CNTN6: variants seen among roughly 807,000 people sequenced by gnomAD.
CNTN6 encodes contactin-6.
CNTN6 carries 137 observed loss-of-function variants against 122.8 expected under a neutral mutation model. The ratio of observed to expected loss-of-function variants is 1.12; its 90% CI spans 0.97 to 1.29. The LOEUF (loss-of-function observed/expected upper bound fraction) is 1.29. Among genes scored for constraint, CNTN6 ranks in the 50% most tolerant of loss-of-function variants. CNTN6 has a pLI of 0.00. For synonymous variants in CNTN6, 570 were observed against 426.0 expected (o/e 1.34, Z -4.16); for missense variants, 1,634 against 1,223.4 (o/e 1.34, Z -5.01).
chr3:1,391,643 T>A (rs1378132284), intron 20 of CNTN6, among the ~76,000 whole-genome samples: 1 of 151,486 alleles, frequency 6.6e-6, no homozygotes, highest in East Asian at 1.9e-4. Flanking sequence ...GATGATTGTA[T>A]ATCTAGAAAA....
At chr3:1,305,726 C>T (rs1199478929) in intron 7 of CNTN6, among the ~76,000 whole-genome samples, 1 of 152,038 alleles carries the variant, frequency 6.6e-6, no homozygotes, top group Non-Finnish European at 1.5e-5. Context: ...ATGTAAATAA[C>T]ATTAGTAGCA....
chr3:1,338,132 C>T (rs1703342359), intron 11 of CNTN6, among the ~76,000 whole-genome samples: 1 of 152,104 alleles, frequency 6.6e-6, no homozygotes, highest in Admixed American at 6.6e-5. Context: ...CAGGTAAAGC[C>T]ACCCTTGGTG....
chr3:1,398,967 T>C (rs1050248586), intron 20 of CNTN6, among the ~76,000 whole-genome samples: 5 of 152,150 alleles, frequency 3.3e-5, no homozygotes, highest in Admixed American at 3.3e-4. Context: ...GACAAAGTCA[T>C]TGCCAACATT....
At chr3:1,255,223 G>A (rs2094734096) in intron 4 of CNTN6, among the ~76,000 whole-genome samples, 1 of 152,074 alleles carries the variant, frequency 6.6e-6, no homozygotes. Flanking sequence ...GAGGAATGGT[G>A]AAAGAGACTA....
In CNTN6 at chr3:1,219,427, T is replaced by G. The variant is rs537490776; in HGVS notation, c.56-1260T>G. ...AAAGAGGGCAAGACAATGGGATCAG[T>G]GTACTTGCTGGCTGGGAGAAGCCTT... On this transcript the variant is annotated intron_variant, in intron 2 of 22. Coordinates refer to ENST00000446702, the MANE Select transcript of CNTN6 (RefSeq NM_001289080.2). Among the ~76,000 whole-genome samples the G allele has an allele frequency of 3.3e-4, 50 of 152,134 alleles. 1 individual carries two copies. The highest frequency in any genetic ancestry group is 2.0e-3 in the Admixed American group (31 of 15,288).
chr3:1,316,305 A>G (rs1575671481), intron 7 of CNTN6, among the ~76,000 whole-genome samples: 1 of 151,946 alleles, frequency 6.6e-6, no homozygotes, highest in East Asian at 1.9e-4. Flanking sequence ...TACAGGAAGC[A>G]TAACAGCTTC....
At chr3:1,369,717 A>G (rs1030110057) in intron 12 of CNTN6, among the ~76,000 whole-genome samples, 5 of 152,102 alleles carry the variant, frequency 3.3e-5, no homozygotes, top group Admixed American at 1.3e-4. Context: ...TGCTCTGTCA[A>G]CACATCCAGT....
intron 5 of CNTN6, among the ~76,000 whole-genome samples, chr3:1,282,616 G>A (rs748147109): frequency 1.3e-5 from 2 of 152,162 alleles, no homozygotes; most frequent in Non-Finnish European, 2.9e-5. Flanking sequence ...TCCGAGAAAT[G>A]TAGGTTTCAC....
intron 4 of CNTN6, among the ~76,000 whole-genome samples, chr3:1,275,165 C>T (rs1417926827): frequency 6.6e-6 from 1 of 152,092 alleles, no homozygotes; most frequent in Non-Finnish European, 1.5e-5. Flanking sequence ...TATCTGTGTC[C>T]TGAATCGTCA....
Position 1,403,744 on chromosome 3 carries a change from C to T in CNTN6, c.*326C>T, listed in dbSNP as rs2126269344. The stretch of plus-strand genomic sequence containing the variant: ...ATGCTGATGATGAATACAAACTTGG[C>T]TCCTAGTTACCATAACTCACATGTA... On this transcript the variant is annotated 3_prime_UTR_variant, in exon 23 of 23. Coordinates refer to ENST00000446702, the MANE Select transcript of CNTN6 (RefSeq NM_001289080.2). The T allele has an allele frequency of 6.0e-6, 1 of 166,870 alleles. No individual in the cohort carries two copies. Among genetic ancestry groups the T allele is most frequent in the South Asian group, 1.9e-4 (1 of 5,144 alleles). The allele number at this position is 166,870 out of a possible 1,614,324, so 10.3% of individuals were successfully genotyped here. A position where few individuals can be genotyped will look rare whatever the true frequency, so the allele number is the denominator to read the frequency against.
chr3:1,099,177 C>G (rs1192718489), intron 1 of CNTN6, among the ~76,000 whole-genome samples: 1 of 152,136 alleles, frequency 6.6e-6, no homozygotes, highest in Admixed American at 6.5e-5. Flanking sequence ...TTTCGCCGGG[C>G]TCAGTGGCTC....
intron 20 of CNTN6, among the ~76,000 whole-genome samples, chr3:1,390,692 A>AAAT (rs1470496902): frequency 6.6e-6 from 1 of 152,142 alleles, no homozygotes; most frequent in African/African-American, 2.4e-5. Context: ...GAGAAGAATC[A>AAAT]AATAGACACA....
intron 6 of CNTN6, among the ~76,000 whole-genome samples, chr3:1,297,115 A>C (rs1395713828): frequency 6.6e-6 from 1 of 152,178 alleles, no homozygotes; most frequent in African/African-American, 2.4e-5. Context: ...TTGAATGTTT[A>C]TAATGATCAA....
chr3:1,135,611 C>G (rs1342488251), intron 1 of CNTN6, among the ~76,000 whole-genome samples: 1 of 152,162 alleles, frequency 6.6e-6, no homozygotes, highest in Non-Finnish European at 1.5e-5. Context: ...TACATAAATA[C>G]ACTGTATATA....
intron 2 of CNTN6, among the ~76,000 whole-genome samples, chr3:1,200,257 C>T (rs545374227): frequency 6.6e-6 from 1 of 152,314 alleles, no homozygotes; most frequent in Admixed American, 6.5e-5. Flanking sequence ...TGGTCTCGAA[C>T]TCCTTGCCTC....
intron 2 of CNTN6, among the ~76,000 whole-genome samples, chr3:1,178,726 C>T (rs963561527): frequency 6.6e-6 from 1 of 152,102 alleles, no homozygotes; most frequent in Non-Finnish European, 1.5e-5. Context: ...TCTGATAGGT[C>T]GTTAGTGTGG....
intron 4 of CNTN6, among the ~76,000 whole-genome samples, chr3:1,275,530 C>A (rs1451227307): frequency 1.3e-5 from 2 of 152,174 alleles, no homozygotes; most frequent in African/African-American, 4.8e-5. Context: ...CAACTGTCCA[C>A]CAATTTGCTC....
intron 2 of CNTN6, among the ~76,000 whole-genome samples, chr3:1,208,997 G>A (rs1316785117): frequency 2.0e-5 from 3 of 152,138 alleles, no homozygotes; most frequent in Non-Finnish European, 4.4e-5. Context: ...GCAATATCTA[G>A]ATAAGCAATG....
At chr3:1,210,421 G>T (rs1175443440) in intron 2 of CNTN6, among the ~76,000 whole-genome samples, 1 of 116,882 alleles carries the variant, frequency 8.6e-6, no homozygotes, top group East Asian at 2.2e-4. Context: ...AAGGAAAAAG[G>T]AAAGAAAAAA....
Sources: allele counts gnomAD v4.1 joint callset (sites outside exome capture counted in the v4.1 genomes callset), GRCh38; gene constraint gnomAD v4.1.1; transcripts MANE v1.5; gene names NCBI Gene and HGNC (gene_info 2026-07-23, HGNC 2026-07-21).